The following PLCB1 variants were observed in gnomAD, a reference collection of about 807,000 sequenced individuals.
PLCB1 encodes the protein 1-phosphatidylinositol 4,5-bisphosphate phosphodiesterase beta-1.
PLCB1 carries 46 observed loss-of-function variants against 161.8 expected under a neutral mutation model. The ratio of observed to expected loss-of-function variants is 0.28; its 90% CI spans 0.22 to 0.36. The LOEUF (loss-of-function observed/expected upper bound fraction) is 0.36, where lower values mean the gene tolerates loss of function less well. PLCB1 is among the 10% of genes least tolerant of loss of function. The pLI, the probability that PLCB1 is intolerant of heterozygous loss-of-function variation, is 1.00. For missense variants in PLCB1, 1,016 were observed against 1,472.5 expected, an observed-to-expected ratio of 0.69 and a Z score of 5.07; for synonymous variants, 517 against 503.7, an observed-to-expected ratio of 1.03 and a Z score of -0.35.
At chr20:8,746,459 A>G (rs2123534802) in intron 23 of PLCB1, among the ~76,000 whole-genome samples, 1 of 152,324 alleles carries the variant, frequency 6.6e-6, no homozygotes, top group Admixed American at 6.5e-5. Flanking sequence ...GAAAAAAATA[A>G]TGAGCATTTA....
chr20:8,323,979 T>G (rs1197036645), intron 2 of PLCB1, among the ~76,000 whole-genome samples: 3 of 152,052 alleles, frequency 2.0e-5, no homozygotes, highest in Non-Finnish European at 4.4e-5. Flanking sequence ...GAGGGAAGAG[T>G]TAAGTGAGAA....
intron 2 of PLCB1, among the ~76,000 whole-genome samples, chr20:8,368,092 A>C (rs1600347954): frequency 6.6e-6 from 1 of 152,288 alleles, no homozygotes; most frequent in East Asian, 1.9e-4. Flanking sequence ...TACAGAGTTC[A>C]TTATCTGTAA....
intron 26 of PLCB1, among the ~76,000 whole-genome samples, chr20:8,766,619 A>G (rs1202230512): frequency 6.6e-6 from 1 of 152,244 alleles, no homozygotes; most frequent in Non-Finnish European, 1.5e-5. Context: ...TTCAAAATGT[A>G]TCGAACGTGC....
intron 2 of PLCB1, among the ~76,000 whole-genome samples, chr20:8,342,183 G>A (rs1478519753): frequency 6.6e-6 from 1 of 152,160 alleles, no homozygotes; most frequent in Non-Finnish European, 1.5e-5. Context: ...CACACAGTGA[G>A]GAATTCATCT....
At chr20:8,162,607 A>G (rs184550400) in intron 2 of PLCB1, among the ~76,000 whole-genome samples, 17 of 152,270 alleles carry the variant, frequency 1.1e-4, no homozygotes, top group East Asian at 1.9e-4. Context: ...TTCTGCTTCT[A>G]TAGGGAATGG....
intron 4 of PLCB1, among the ~76,000 whole-genome samples, chr20:8,629,605 G>C (rs1272204872): frequency 6.6e-6 from 1 of 152,144 alleles, no homozygotes; most frequent in Non-Finnish European, 1.5e-5. Flanking sequence ...ATGAATCTAA[G>C]AAAACTTTGA....
At chr20:8,218,884 A>G (rs1391380225) in intron 2 of PLCB1, among the ~76,000 whole-genome samples, 2 of 152,164 alleles carry the variant, frequency 1.3e-5, no homozygotes, top group East Asian at 3.9e-4. Flanking sequence ...GATCTGAACT[A>G]CATATAATTC....
chr20:8,737,311 C>T, intron 20 of PLCB1, 119 bp downstream of exon 20: 1 of 839,540 alleles, frequency 1.2e-6, no homozygotes, highest in Non-Finnish European at 1.8e-6. Context: ...ACTTATAAAG[C>T]AATTACCTTT....
chr20:8,265,922 A>G (rs1392986235), intron 2 of PLCB1, among the ~76,000 whole-genome samples: 1 of 152,200 alleles, frequency 6.6e-6, no homozygotes, highest in Admixed American at 6.5e-5. Flanking sequence ...AAGGTGGAGG[A>G]CTAATTTTTA....
At chr20:8,150,248 C>A in intron 1 of PLCB1, 46 bp from the exon 2 acceptor site, 1 of 810,706 alleles carries the variant, frequency 1.2e-6, no homozygotes, top group South Asian at 1.7e-5. Context: ...ATAGATTTTT[C>A]TACAGTGATA....
At chr20:8,644,722 C>G (rs1029546246) in intron 4 of PLCB1, among the ~76,000 whole-genome samples, 3 of 148,812 alleles carry the variant, frequency 2.0e-5, no homozygotes, top group African/African-American at 5.0e-5. Flanking sequence ...CAGCCCCCCG[C>G]CCTGCCAGCC....
intron 31 of PLCB1, among the ~76,000 whole-genome samples, chr20:8,868,123 G>C (rs983460984): frequency 2.6e-5 from 4 of 151,548 alleles, no homozygotes; most frequent in Non-Finnish European, 5.9e-5. Flanking sequence ...TATGGTATCC[G>C]ATTCTTTACA....
intron 3 of PLCB1, among the ~76,000 whole-genome samples, chr20:8,375,943 CAAAAA>C (rs34790517): frequency 6.4e-5 from 6 of 93,058 alleles, no homozygotes; most frequent in African/African-American, 1.2e-4. Flanking sequence ...CCAAGTGAAC[CAAAAA>C]AAAAAAAAAA....
chr20:8,822,858 G>A (rs1043705430), intron 31 of PLCB1, among the ~76,000 whole-genome samples: 6 of 152,154 alleles, frequency 3.9e-5, no homozygotes, highest in Admixed American at 3.9e-4. Flanking sequence ...AAAGTTCCCT[G>A]TTACAGCTCA....
chr20:8,538,655 G>A (rs1307711430), intron 3 of PLCB1, among the ~76,000 whole-genome samples: 1 of 151,154 alleles, frequency 6.6e-6, no homozygotes, highest in African/African-American at 2.4e-5. Context: ...AGCTGATAAG[G>A]TACTCTTTTA....
intron 2 of PLCB1, among the ~76,000 whole-genome samples, chr20:8,334,170 T>C (rs1021062886): frequency 1.3e-5 from 2 of 151,488 alleles, no homozygotes; most frequent in African/African-American, 4.9e-5. Context: ...GATCGCGCCA[T>C]TGCACTCCAG....
intron 3 of PLCB1, among the ~76,000 whole-genome samples, chr20:8,627,639 TC>T (rs1988394593): frequency 6.6e-6 from 1 of 152,210 alleles, no homozygotes; most frequent in African/African-American, 2.4e-5. Context: ...AAACTCCCTT[TC>T]CCAGCAGGAC....
chr20:8,419,876 A>C (rs11906181), intron 3 of PLCB1, among the ~76,000 whole-genome samples: 4,234 of 152,252 alleles, frequency 0.028, 192 homozygotes, highest in African/African-American at 0.095. Flanking sequence ...TTTTTTTAAG[A>C]TAACTATACT....
Position 8,883,834 on chromosome 20 carries a change from A to C in PLCB1, c.*1985A>C, listed in dbSNP as rs1198770312. 1 of 152,476 alleles carries C rather than the reference A, an allele frequency of 6.6e-6. No individual in the cohort carries two copies. Among genetic ancestry groups the C allele is most frequent in the African/African-American group, 2.4e-5 (1 of 41,392 alleles). 9.4% of individuals were successfully genotyped at this position (152,476 alleles called of 1,614,324 possible). A position where few individuals can be genotyped will look rare whatever the true frequency, so the allele number is the denominator to read the frequency against. Reference sequence around the variant, plus strand: ...TTCCAATGAAAAAGAAATCTTTTGTAAATCATTCTACTTTTGCACTTTGAA... The same window carrying C: ...TTCCAATGAAAAAGAAATCTTTTGTCAATCATTCTACTTTTGCACTTTGAA... On this transcript the variant is annotated 3_prime_UTR_variant, in exon 32 of 32. Transcript: ENST00000338037.
Sources: allele counts gnomAD v4.1 joint callset (sites outside exome capture counted in the v4.1 genomes callset), GRCh38; gene constraint gnomAD v4.1.1; transcripts MANE v1.5; gene names NCBI Gene and HGNC (gene_info 2026-07-23, HGNC 2026-07-21).